The following ABR variants were observed in gnomAD, a reference collection of about 807,000 sequenced individuals.
The protein encoded by ABR is ABR activator of RhoGEF and GTPase, also known as active breakpoint cluster region-related protein.
ABR carries 35 observed loss-of-function variants against 107.2 expected under a neutral mutation model. The ratio of observed to expected loss-of-function variants is 0.33; its 90% CI spans 0.25 to 0.43. The LOEUF (loss-of-function observed/expected upper bound fraction) is 0.43, where lower values mean the gene tolerates loss of function less well. Among genes scored for constraint, ABR ranks in the 20% least tolerant of loss-of-function variants. ABR has a pLI of 1.00. For missense variants in ABR, 815 were observed against 1,115.2 expected, an observed-to-expected ratio of 0.73 and a Z score of 3.83; for synonymous variants, 498 against 462.0, an observed-to-expected ratio of 1.08 and a Z score of -1.00.
chr17:1,106,604 G>A (rs1035262271), intron 2 of ABR, among the ~76,000 whole-genome samples: 7 of 140,704 alleles, frequency 5.0e-5, no homozygotes, highest in African/African-American at 1.1e-4. Context: ...ATCTTGGCTC[G>A]CTGCAACCTC....
In ABR at chr17:1,011,954, G is replaced by A. The variant is rs1273391318; in HGVS notation, c.1993C>T (p.Arg665Trp). 3 of 1,613,566 alleles carry A rather than the reference G, an allele frequency of 1.9e-6. No homozygotes were observed. Among genetic ancestry groups the A allele is most frequent in the Non-Finnish European group, 2.5e-6 (3 of 1,179,734 alleles). Residue 665 changes from arginine to tryptophan, a missense_variant, in exon 19 of 23, where the codon CGG becomes TGG. By Grantham distance (101) the Arg-to-Trp change is moderately radical. Transcript: ENST00000302538. The surrounding 1 kb of genome is among the most constrained non-coding windows in gnomAD (Gnocchi z 4.8). Reference sequence around the variant, plus strand: ...TTCTCCACCTCCTCCACACACTGCCGGACGATGTAGGGCACCTTGGAGCGC... The same window carrying A: ...TTCTCCACCTCCTCCACACACTGCCAGACGATGTAGGGCACCTTGGAGCGC... ...RERSKVPYIV[R>W]QCVEEVEKRG...
intron 16 of ABR, among the ~76,000 whole-genome samples, chr17:1,041,052 T>G (rs529137603): frequency 6.6e-6 from 1 of 152,282 alleles, no homozygotes; most frequent in East Asian, 1.9e-4. Flanking sequence ...CCCGAGTAGC[T>G]GGGATTACAG....
At chr17:1,100,126 TAAAAAAA>T (rs59004026) in intron 3 of ABR, among the ~76,000 whole-genome samples, 1 of 110,178 alleles carries the variant, frequency 9.1e-6, no homozygotes, top group South Asian at 3.2e-4. Flanking sequence ...AGCTCCGTCT[TAAAAAAA>T]AAAAAAAAAA....
rs184479238 is a variant in ABR, at chr17:1,099,850, G to A, written c.345+787C>T. 6.0e-3 allele frequency among the ~76,000 whole-genome samples: 914 copies of A among 152,268 alleles called. 9 individuals carry two copies. The highest frequency in any genetic ancestry group is 0.02 in the African/African-American group (849 of 41,562). ...CTTCTCAAAAGAACACAGACAGGCC[G>A]GGCGCAGTGGCTCATGCCTGTAATC... On this transcript the variant is annotated intron_variant, in intron 3 of 22. Transcript: ENST00000302538.
intron 18 of ABR, 172 bp from the exon 19 acceptor site, chr17:1,012,157 C>T (rs551288062): frequency 2.8e-6 from 3 of 1,082,124 alleles, no homozygotes; most frequent in Admixed American, 2.0e-5. Flanking sequence ...CCCCAGCCAG[C>T]CCACCCGAGG....
At chr17:1,136,518 C>A (rs1246646405) in intron 1 of ABR, among the ~76,000 whole-genome samples, 1 of 152,188 alleles carries the variant, frequency 6.6e-6, no homozygotes, top group African/African-American at 2.4e-5. Context: ...CGTGAGCCAC[C>A]GCGCCTGGCC....
At chr17:1,185,177 G>A (rs1318576255) in intron 1 of ABR, 1 of 152,208 alleles carries the variant, frequency 6.6e-6, no homozygotes, top group East Asian at 1.9e-4. Flanking sequence ...AGTAGAAAGA[G>A]AACTGGTATC....
chr17:1,140,533 C>A (rs1597951173), intron 1 of ABR, among the ~76,000 whole-genome samples: 4 of 152,164 alleles, frequency 2.6e-5, no homozygotes, highest in African/African-American at 7.2e-5. Context: ...CAAAATCTAC[C>A]ACCTCACCTA....
intron 10 of ABR, among the ~76,000 whole-genome samples, chr17:1,061,196 G>C (rs1302681864): frequency 1.3e-5 from 2 of 152,054 alleles, no homozygotes; most frequent in South Asian, 2.1e-4. Flanking sequence ...ACTGAGTGTT[G>C]ACTGTTGACT....
intron 5 of ABR, among the ~76,000 whole-genome samples, chr17:1,082,388 C>T (rs561042290): frequency 6.7e-6 from 1 of 150,280 alleles, no homozygotes; most frequent in Non-Finnish European, 1.5e-5. Context: ...TGGAGGAGTG[C>T]GGGAGGAAGG....
At chr17:1,161,541 C>T (rs561414601) in intron 1 of ABR, among the ~76,000 whole-genome samples, 23 of 150,252 alleles carry the variant, frequency 1.5e-4, no homozygotes, top group South Asian at 6.4e-4. Context: ...CCACCGTGCC[C>T]GGTCAAAGTC....
chr17:1,034,180 A>G (rs1196642237), intron 16 of ABR, among the ~76,000 whole-genome samples: 1 of 151,980 alleles, frequency 6.6e-6, no homozygotes, highest in East Asian at 1.9e-4. Context: ...CATGCTGGCC[A>G]GGCTGGTCTC....
intron 16 of ABR, among the ~76,000 whole-genome samples, chr17:1,021,633 G>A (rs147997246): frequency 5.7e-4 from 86 of 150,476 alleles, no homozygotes; most frequent in East Asian, 1.8e-3. Context: ...GCGAAACCCC[G>A]TCTCTACTAA....
rs374132646 is a variant in ABR, at chr17:1,057,958, G to A, written c.1381+12C>T. 111 of 1,611,428 alleles carry A rather than the reference G, an allele frequency of 6.9e-5. No homozygotes were observed. The highest frequency in any genetic ancestry group is 1.7e-4 in the Middle Eastern group (1 of 5,966). On this transcript the variant is annotated intron_variant, in intron 12 of 22. Coordinates refer to ENST00000302538, the MANE Select transcript of ABR (RefSeq NM_021962.5). ...GACATCATTGGGGAGCGTGGAAGAG[G>A]CAGGAATTTACCCTTCTTCTGTAGT...
intron 1 of ABR, among the ~76,000 whole-genome samples, chr17:1,211,839 G>A (rs978002974): frequency 1.3e-5 from 2 of 152,108 alleles, no homozygotes; most frequent in African/African-American, 4.8e-5. Flanking sequence ...CCAGCACTTC[G>A]AGAGGCCAAG....
intron 2 of ABR, chr17:1,108,858 T>G: frequency 2.8e-6 from 4 of 1,446,906 alleles, no homozygotes; most frequent in Non-Finnish European, 1.8e-6. Context: ...TGCGCCCGCA[T>G]CAGCCATTTC....
chr17:1,141,553 C>T (rs1434990119), intron 1 of ABR, among the ~76,000 whole-genome samples: 1 of 152,168 alleles, frequency 6.6e-6, no homozygotes, highest in African/African-American at 2.4e-5. Flanking sequence ...CCAAAGCTGG[C>T]GCTAACAAAA....
chr17:1,030,886 C>T (rs757133914), intron 16 of ABR, among the ~76,000 whole-genome samples: 3 of 152,334 alleles, frequency 2.0e-5, no homozygotes, highest in East Asian at 1.9e-4. Context: ...ACTTCCTGTG[C>T]GCTGGGCGCT....
chr17:1,201,117 C>G (rs556021398), intron 1 of ABR, among the ~76,000 whole-genome samples: 15 of 152,316 alleles, frequency 9.8e-5, no homozygotes, highest in African/African-American at 2.9e-4. Context: ...GAGGAGCAGC[C>G]GGGGAGGCTT....
Sources: gnomAD v4.1 joint callset for allele counts (sites outside exome capture counted in the v4.1 genomes callset) on GRCh38, gnomAD v4.1.1 for gene constraint, Gnocchi (gnomAD v3.1) non-coding constraint, MANE v1.5 for transcripts, NCBI Gene and HGNC (gene_info 2026-07-23, HGNC 2026-07-21) for gene names.